Variants in MAN1C1 observed in about 807,000 individuals in gnomAD.
MAN1C1 encodes the protein mannosyl-oligosaccharide 1,2-alpha-mannosidase IC.
Under a neutral mutation model 71.5 loss-of-function variants are expected in MAN1C1, and 49 were observed. The ratio of observed to expected loss-of-function variants is 0.69; its 90% CI spans 0.54 to 0.87. The LOEUF is 0.87. Ranked by LOEUF, MAN1C1 falls within the 40% of genes least tolerant of loss-of-function variation. MAN1C1 has a pLI of 0.00. For missense variants in MAN1C1, 743 were observed against 835.0 expected (o/e 0.89, Z 1.36); for synonymous variants, 352 against 343.7 (o/e 1.02, Z -0.27).
Position 25,753,397 on chromosome 1 carries a change from G to A in MAN1C1, c.835-87G>A. The A allele has an allele frequency of 1.1e-6, 1 of 949,056 alleles. No individual in the cohort carries two copies. Among genetic ancestry groups the A allele is most frequent in the Non-Finnish European group, 1.6e-6 (1 of 628,118 alleles). The allele number at this position is 949,056 out of a possible 1,614,324, so 58.8% of individuals were successfully genotyped here. ...CCCTACTCTAGACCTGCAGCCCTGG[G>A]GGGTTCATCCTGCCTGCAGCAGTTC... is the stretch of plus-strand genomic sequence containing the variant. On this transcript the variant is annotated intron_variant, in intron 4 of 11. Coordinates refer to ENST00000374332, the MANE Select transcript of MAN1C1 (RefSeq NM_020379.4). This position sits in a 1 kb window ranked among gnomAD's most constrained non-coding sequence, Gnocchi z 4.9.
rs1010394677 is a variant in MAN1C1, at chr1:25,634,494, A to C, written c.540+16157A>C. ...TGGAGATTATATTGTTTTCCTCTTT[A>C]ATTCAGTCAATACAGTGAATTATAT... is the stretch of plus-strand genomic sequence containing the variant. On this transcript the variant is annotated intron_variant, in intron 1 of 11. Coordinates refer to ENST00000374332, the MANE Select transcript of MAN1C1 (RefSeq NM_020379.4). This position sits in a 1 kb window ranked among gnomAD's most constrained non-coding sequence, Gnocchi z 4.6. Among the ~76,000 whole-genome samples the C allele has an allele frequency of 2.6e-5, 4 of 152,276 alleles. No homozygotes were observed. Among genetic ancestry groups the C allele is most frequent in the East Asian group, 3.9e-4 (2 of 5,184 alleles).
chr1:25,632,929 A>G (rs549409357), intron 1 of MAN1C1, among the ~76,000 whole-genome samples: 1 of 143,162 alleles, frequency 7.0e-6, no homozygotes, highest in South Asian at 2.2e-4. Context: ...GTGCAGTGGC[A>G]CAATCTTGGC....
intron 2 of MAN1C1, among the ~76,000 whole-genome samples, chr1:25,688,933 C>T (rs1055815799): frequency 6.6e-6 from 1 of 152,090 alleles, no homozygotes; most frequent in African/African-American, 2.4e-5. Flanking sequence ...TTGGCAGGGC[C>T]CAGGGAGCCC....
intron 1 of MAN1C1, among the ~76,000 whole-genome samples, chr1:25,655,739 G>A (rs748908397): frequency 2.6e-5 from 4 of 152,066 alleles, no homozygotes; most frequent in South Asian, 2.1e-4. Flanking sequence ...TTTTTCCTCC[G>A]GAAAAAGATG....
chr1:25,765,128 C>G (rs1244271730), intron 7 of MAN1C1, among the ~76,000 whole-genome samples: 1 of 152,242 alleles, frequency 6.6e-6, no homozygotes, highest in Non-Finnish European at 1.5e-5. Context: ...CAGAAGGTCT[C>G]TGTTCAGAGA....
At chr1:25,662,886 C>A (rs1049004074) in intron 1 of MAN1C1, among the ~76,000 whole-genome samples, 1 of 152,002 alleles carries the variant, frequency 6.6e-6, no homozygotes, top group Admixed American at 6.6e-5. Flanking sequence ...ATGGTGAAAC[C>A]CCGTCTTACT....
intron 2 of MAN1C1, among the ~76,000 whole-genome samples, chr1:25,688,281 C>T (rs1258943467): frequency 6.6e-6 from 1 of 152,188 alleles, no homozygotes; most frequent in Non-Finnish European, 1.5e-5. Flanking sequence ...CTGCCTAGAA[C>T]ACAGAACTTC....
At chr1:25,621,615 T>G (rs146058193) in intron 1 of MAN1C1, among the ~76,000 whole-genome samples, 3,667 of 152,008 alleles carry the variant, frequency 0.024, 145 homozygotes, top group African/African-American at 0.082. Flanking sequence ...TGTTGTTGTT[T>G]TTTTTGTTTG....
chr1:25,686,724 G>A (rs919380293), intron 2 of MAN1C1, among the ~76,000 whole-genome samples, 188 bp downstream of exon 2: 2 of 152,178 alleles, frequency 1.3e-5, no homozygotes, highest in East Asian at 1.9e-4. Context: ...GATTTAGGGG[G>A]AATCCTATAT....
At chr1:25,760,863 C>G (rs2124371520) in intron 6 of MAN1C1, 1 of 152,324 alleles carries the variant, frequency 6.6e-6, no homozygotes, top group African/African-American at 2.4e-5. Flanking sequence ...ATAGATAAAG[C>G]CCTCTTGAAT....
At chr1:25,747,011 G>T (rs910487747) in intron 3 of MAN1C1, among the ~76,000 whole-genome samples, 1 of 152,180 alleles carries the variant, frequency 6.6e-6, no homozygotes, top group African/African-American at 2.4e-5. Flanking sequence ...CCCTGGGGAG[G>T]GGACACAGCC....
intron 7 of MAN1C1, among the ~76,000 whole-genome samples, chr1:25,770,774 C>T (rs1022899565): frequency 1.1e-4 from 16 of 149,306 alleles, no homozygotes; most frequent in African/African-American, 4.0e-4. Context: ...GTTGAAAACA[C>T]TCTGCCCATT....
At chr1:25,695,699 T>TTA (rs2046361211) in intron 2 of MAN1C1, among the ~76,000 whole-genome samples, 1 of 152,240 alleles carries the variant, frequency 6.6e-6, no homozygotes, top group Admixed American at 6.5e-5. Flanking sequence ...TTCTTGTTCT[T>TTA]TAAAAGGCTT....
At chr1:25,666,623 C>G (rs532601129) in intron 1 of MAN1C1, among the ~76,000 whole-genome samples, 166 of 152,330 alleles carry the variant, frequency 1.1e-3, no homozygotes, top group African/African-American at 3.8e-3. Context: ...CCACTCCCCC[C>G]ACCACTGGCA....
At chr1:25,654,927 G>T (rs371940758) in intron 1 of MAN1C1, among the ~76,000 whole-genome samples, 7 of 152,302 alleles carry the variant, frequency 4.6e-5, no homozygotes, top group African/African-American at 1.7e-4. Flanking sequence ...TTACAGGCGT[G>T]AGCCACCGTG....
At chr1:25,639,909 G>C (rs1319823659) in intron 1 of MAN1C1, among the ~76,000 whole-genome samples, 1 of 152,174 alleles carries the variant, frequency 6.6e-6, no homozygotes, top group Non-Finnish European at 1.5e-5. Context: ...AGAAGAAAAT[G>C]TTTGTTGATA....
At chr1:25,663,799 C>G (rs2045883646) in intron 1 of MAN1C1, among the ~76,000 whole-genome samples, 1 of 152,198 alleles carries the variant, frequency 6.6e-6, no homozygotes, top group Admixed American at 6.5e-5. Flanking sequence ...CTCTATATCA[C>G]TGCTCTGTCC....
chr1:25,666,624 A>G (rs1465216511), intron 1 of MAN1C1, among the ~76,000 whole-genome samples: 1 of 152,094 alleles, frequency 6.6e-6, no homozygotes, highest in Middle Eastern at 3.2e-3. Flanking sequence ...CACTCCCCCC[A>G]CCACTGGCAG....
chr1:25,773,432 T>C (rs1277153018), intron 8 of MAN1C1, among the ~76,000 whole-genome samples: 1 of 152,198 alleles, frequency 6.6e-6, no homozygotes, highest in Admixed American at 6.5e-5. Flanking sequence ...AGTAATGATT[T>C]TTCCCTGCTC....
Sources: gnomAD v4.1 joint callset for allele counts (sites outside exome capture counted in the v4.1 genomes callset) on GRCh38, gnomAD v4.1.1 for gene constraint, Gnocchi (gnomAD v3.1) non-coding constraint, MANE v1.5 for transcripts, NCBI Gene and HGNC (gene_info 2026-07-23, HGNC 2026-07-21) for gene names.